PIGK: variants seen among roughly 807,000 people sequenced by gnomAD.
PIGK encodes the protein GPI-anchor transamidase.
In PIGK, 42 loss-of-function variants were observed where a neutral mutation model predicts 50.6. The observed-to-expected ratio is 0.83, with a 90% CI of 0.65 to 1.07. PIGK has a LOEUF of 1.07. Among genes scored for constraint, PIGK ranks in the 50% least tolerant of loss-of-function variants. The pLI is 0.00. For missense variants in PIGK, 448 were observed against 488.7 expected, an observed-to-expected ratio of 0.92 and a Z score of 0.78; for synonymous variants, 151 against 156.0, an observed-to-expected ratio of 0.97 and a Z score of 0.24.
chr1:77,206,765 C>G (rs1025753271), intron 2 of PIGK, 34 bp from the exon 3 acceptor site: 1 of 1,250,770 alleles, frequency 8.0e-7, no homozygotes, highest in Non-Finnish European at 1.2e-6. Context: ...AATTTTTATG[C>G]ATCAAGGCTA....
intron 10 of PIGK, among the ~76,000 whole-genome samples, chr1:77,097,764 T>C (rs1172709050): frequency 6.6e-6 from 1 of 152,122 alleles, no homozygotes; most frequent in Non-Finnish European, 1.5e-5. Context: ...ATTCTTACAA[T>C]TATTGAGAAT....
chr1:77,122,401 T>A, intron 9 of PIGK, 42 bp from the exon 10 acceptor site: 1 of 986,702 alleles, frequency 1.0e-6, no homozygotes, highest in Non-Finnish European at 1.6e-6. Context: ...AGGCAAATAC[T>A]ATTTTGAAAT....
At chr1:77,186,365 C>T (rs913634723) in intron 3 of PIGK, among the ~76,000 whole-genome samples, 2 of 152,202 alleles carry the variant, frequency 1.3e-5, no homozygotes, top group African/African-American at 2.4e-5. Context: ...GGCAGAACTT[C>T]GAGCAGTGCA....
In PIGK at chr1:77,122,270, C is replaced by T. The variant is rs1390227498; in HGVS notation, c.1071+5G>A. On this transcript the variant is annotated splice_donor_5th_base_variant and intron_variant, in intron 10 of 10. Coordinates refer to ENST00000370812, the MANE Select transcript of PIGK (RefSeq NM_005482.3). ...TCTTTCAAAAGAATAAAATGAAATGCAAACCTGGTGTATTATCTGAGCTAC... is the reference window on the plus strand; with the variant it reads ...TCTTTCAAAAGAATAAAATGAAATGTAAACCTGGTGTATTATCTGAGCTAC... 39 of 1,540,264 alleles carry T rather than the reference C, an allele frequency of 2.5e-5. No individual in the cohort carries two copies. In the Admixed American group the frequency reaches 6.2e-4, roughly 24 times the overall value.
At chr1:77,143,596 C>T (rs1389523480) in intron 9 of PIGK, among the ~76,000 whole-genome samples, 1 of 152,028 alleles carries the variant, frequency 6.6e-6, no homozygotes, top group Non-Finnish European at 1.5e-5. Context: ...AATTATTTTT[C>T]TCTACCAGTT....
intron 3 of PIGK, among the ~76,000 whole-genome samples, chr1:77,177,500 G>A (rs535991231): frequency 6.6e-5 from 10 of 152,234 alleles, no homozygotes; most frequent in African/African-American, 9.6e-5. Context: ...CCTTTACTTC[G>A]GTCCATCCCT....
intron 3 of PIGK, among the ~76,000 whole-genome samples, chr1:77,193,630 A>G (rs839796): frequency 0.99 from 151,321 of 152,316 alleles, 75,174 homozygotes; most frequent in Middle Eastern, 1. Flanking sequence ...GTTAGAAAGC[A>G]AACACAAGTC....
chr1:77,212,526 C>T (rs1185676787), intron 1 of PIGK, among the ~76,000 whole-genome samples: 1 of 152,116 alleles, frequency 6.6e-6, no homozygotes, highest in African/African-American at 2.4e-5. Context: ...AGCACACACA[C>T]AAGTGTAAAG....
At chr1:77,188,220 T>A (rs1293601131) in intron 3 of PIGK, among the ~76,000 whole-genome samples, 1 of 152,168 alleles carries the variant, frequency 6.6e-6, no homozygotes, top group Non-Finnish European at 1.5e-5. Flanking sequence ...AGAGCCATAT[T>A]TCTCTTCTTT....
intron 3 of PIGK, among the ~76,000 whole-genome samples, chr1:77,202,408 C>T (rs1656190495): frequency 6.6e-6 from 1 of 152,072 alleles, no homozygotes; most frequent in African/African-American, 2.4e-5. Context: ...TGAATCTGGA[C>T]ATCAGAAAAC....
intron 10 of PIGK, among the ~76,000 whole-genome samples, chr1:77,099,275 G>A (rs1653489534): frequency 6.6e-6 from 1 of 152,142 alleles, no homozygotes; most frequent in African/African-American, 2.4e-5. Context: ...ATTCAAAGAA[G>A]GGAAACATAC....
intron 9 of PIGK, among the ~76,000 whole-genome samples, chr1:77,147,230 A>G (rs1398541008): frequency 2.0e-5 from 3 of 152,136 alleles, no homozygotes; most frequent in Admixed American, 6.5e-5. Flanking sequence ...CCATGAGAAC[A>G]GTATGGGGGA....
intron 1 of PIGK, among the ~76,000 whole-genome samples, chr1:77,214,569 T>C (rs767396920): frequency 7.9e-5 from 12 of 152,068 alleles, no homozygotes; most frequent in South Asian, 2.1e-4. Flanking sequence ...AAAGTTGAAA[T>C]CTTTCCCTTT....
intron 8 of PIGK, among the ~76,000 whole-genome samples, chr1:77,157,980 T>C (rs535815131): frequency 6.6e-5 from 10 of 152,292 alleles, no homozygotes; most frequent in African/African-American, 2.4e-4. Context: ...CATGTGGAAC[T>C]ATAAGCCCAT....
chr1:77,181,041 T>C lies in PIGK; in HGVS notation c.240-11646A>G, dbSNP rs1655600217. 2.0e-5 allele frequency among the ~76,000 whole-genome samples: 3 copies of C among 152,216 alleles called. No homozygotes were observed. The South Asian group carries it at 6.2e-4, about 32-fold the overall frequency. On this transcript the variant is annotated intron_variant, in intron 3 of 10. Transcript: ENST00000370812. ...TTGGTTACTTCATCTAAATAGAATA[T>C]CTGGATCATGCCTATATAGATATTT... is the stretch of plus-strand genomic sequence containing the variant.
At chr1:77,203,804 G>C (rs1656224795) in intron 3 of PIGK, among the ~76,000 whole-genome samples, 1 of 152,104 alleles carries the variant, frequency 6.6e-6, no homozygotes, top group Non-Finnish European at 1.5e-5. Flanking sequence ...AACATAAATT[G>C]TGAAGATTTC....
intron 3 of PIGK, among the ~76,000 whole-genome samples, chr1:77,183,394 C>G (rs996384052): frequency 2.0e-5 from 3 of 152,132 alleles, no homozygotes; most frequent in Non-Finnish European, 2.9e-5. Flanking sequence ...GCAACAGTAA[C>G]GGCCTCCCCT....
intron 10 of PIGK, among the ~76,000 whole-genome samples, chr1:77,105,941 G>A (rs546764320): frequency 2.6e-5 from 4 of 152,190 alleles, no homozygotes; most frequent in East Asian, 3.9e-4. Context: ...AGAAAACAAC[G>A]GAAAGACATC....
chr1:77,110,537 T>G (rs2100518891), intron 10 of PIGK, among the ~76,000 whole-genome samples: 1 of 152,272 alleles, frequency 6.6e-6, no homozygotes, highest in East Asian at 1.9e-4. Context: ...TAAATGGTGC[T>G]GGGAAAACTG....
Sources: allele counts gnomAD v4.1 joint callset (sites outside exome capture counted in the v4.1 genomes callset), GRCh38; gene constraint gnomAD v4.1.1; transcripts MANE v1.5; gene names NCBI Gene and HGNC (gene_info 2026-07-23, HGNC 2026-07-21).